SCP2: variants seen among roughly 807,000 people sequenced by gnomAD.
SCP2 encodes SCP-2/3-oxoacyl-CoA thiolase.
A neutral mutation model predicts 71.4 loss-of-function variants in SCP2; 48 were observed. That is an observed-to-expected ratio of 0.67 (90% CI 0.53 to 0.86). The LOEUF (loss-of-function observed/expected upper bound fraction) is 0.86. Ranked by LOEUF, SCP2 falls within the 40% of genes least tolerant of loss-of-function variation. The probability of loss-of-function intolerance (pLI) is 0.00; values close to 1 mark genes in which losing one functional copy is unlikely to be tolerated. For missense variants in SCP2, 560 were observed against 655.6 expected (o/e 0.85, Z 1.59); for synonymous variants, 220 against 218.1 (o/e 1.01, Z -0.08).
intron 6 of SCP2, among the ~76,000 whole-genome samples, chr1:52,971,068 C>T (rs952806686): frequency 3.3e-5 from 5 of 149,752 alleles, no homozygotes; most frequent in East Asian, 2.0e-4. Flanking sequence ...CTCTGCCTCC[C>T]GGGTTCACGC....
chr1:52,959,176 T>A (rs1656094607), intron 5 of SCP2, among the ~76,000 whole-genome samples: 1 of 136,050 alleles, frequency 7.4e-6, no homozygotes, highest in Non-Finnish European at 1.6e-5. Context: ...TCTGGTGACT[T>A]CTTTTCTTTT....
At chr1:52,989,246 T>C (rs536888005) in intron 11 of SCP2, among the ~76,000 whole-genome samples, 1 of 152,228 alleles carries the variant, frequency 6.6e-6, no homozygotes, top group African/African-American at 2.4e-5. Context: ...AGTGGCAAAA[T>C]AACAACATCC....
chr1:53,016,650 T>C (rs1661361287), intron 12 of SCP2, among the ~76,000 whole-genome samples: 1 of 152,092 alleles, frequency 6.6e-6, no homozygotes, highest in African/African-American at 2.4e-5. Flanking sequence ...GGTATAGAAA[T>C]TTGAAAATAC....
chr1:52,946,829 G>A (rs1654842532), intron 2 of SCP2, among the ~76,000 whole-genome samples: 1 of 151,474 alleles, frequency 6.6e-6, no homozygotes, highest in Admixed American at 6.6e-5. Flanking sequence ...GGCCAAGGGA[G>A]GTGGATCACT....
chr1:53,002,674 T>C (rs1660394245), intron 11 of SCP2, among the ~76,000 whole-genome samples: 1 of 152,256 alleles, frequency 6.6e-6, no homozygotes, highest in African/African-American at 2.4e-5. Context: ...TAATTATTTC[T>C]TTTTCTGCAT....
chr1:53,014,532 C>A (rs1661202967), intron 11 of SCP2, among the ~76,000 whole-genome samples: 1 of 152,144 alleles, frequency 6.6e-6, no homozygotes, highest in Admixed American at 6.5e-5. Context: ...ATTTCCCATA[C>A]CAGCTAAACT....
At chr1:52,999,419 C>A (rs747516220) in intron 11 of SCP2, among the ~76,000 whole-genome samples, 1 of 152,158 alleles carries the variant, frequency 6.6e-6, no homozygotes, top group Non-Finnish European at 1.5e-5. Flanking sequence ...AGATTCTCTT[C>A]TGTAAATGGT....
At chr1:52,975,015 C>A (rs1657825227) in intron 7 of SCP2, among the ~76,000 whole-genome samples, 183 bp downstream of exon 7, 1 of 152,024 alleles carries the variant, frequency 6.6e-6, no homozygotes, top group Non-Finnish European at 1.5e-5. Flanking sequence ...CAGTTTTTGG[C>A]CACTTTATAT....
At chr1:52,958,145 G>A (rs1258190477) in intron 5 of SCP2, among the ~76,000 whole-genome samples, 1 of 149,802 alleles carries the variant, frequency 6.7e-6, no homozygotes, top group East Asian at 1.9e-4. Context: ...ATTTTTTTTT[G>A]TCAATACCAC....
At chr1:53,045,142 A>G (rs1663706071) in intron 14 of SCP2, among the ~76,000 whole-genome samples, 1 of 152,188 alleles carries the variant, frequency 6.6e-6, no homozygotes, top group Admixed American at 6.5e-5. Flanking sequence ...ATGAATGTTT[A>G]CAAATGAGTA....
intron 1 of SCP2, among the ~76,000 whole-genome samples, chr1:52,928,259 C>T (rs1365273652): frequency 1.3e-5 from 2 of 152,228 alleles, no homozygotes; most frequent in African/African-American, 4.8e-5. Flanking sequence ...GGCGTCTGCG[C>T]GCCCTCTTAG....
At chr1:52,944,743 C>T (rs556654771) in intron 2 of SCP2, among the ~76,000 whole-genome samples, 2 of 151,902 alleles carry the variant, frequency 1.3e-5, no homozygotes, top group Non-Finnish European at 2.9e-5. Flanking sequence ...GAAATCTGGC[C>T]GGGCATGGTG....
chr1:53,040,006 G>C (rs565429388), intron 14 of SCP2, among the ~76,000 whole-genome samples: 1 of 152,216 alleles, frequency 6.6e-6, no homozygotes, highest in Non-Finnish European at 1.5e-5. Context: ...TGGTTCCTTG[G>C]TCTAAAAGCC....
At chr1:53,018,699 C>T (rs1661510167) in intron 12 of SCP2, among the ~76,000 whole-genome samples, 1 of 151,522 alleles carries the variant, frequency 6.6e-6, no homozygotes, top group Admixed American at 6.6e-5. Context: ...TGAGATCATG[C>T]CACTGAACTC....
intron 12 of SCP2, among the ~76,000 whole-genome samples, chr1:53,020,359 C>G (rs145598680): frequency 2.0e-5 from 3 of 152,268 alleles, no homozygotes; most frequent in African/African-American, 7.2e-5. Flanking sequence ...TGTAGTTGCT[C>G]AATAAACTTT....
rs555989629 is a variant in SCP2 at position 53,018,453 on chromosome 1, T to C, written c.1235+3410T>C. 7.2e-5 allele frequency among the ~76,000 whole-genome samples: 11 copies of C among 152,242 alleles called. No individual in the cohort carries two copies. The South Asian group carries it at 2.3e-3, about 32-fold the overall frequency. ...ACAGTAGTTATAAAACTCAAGAAACTTAACAGGGTTGGGCGTGGTATCTCA... is the reference window on the plus strand; with the variant it reads ...ACAGTAGTTATAAAACTCAAGAAACCTAACAGGGTTGGGCGTGGTATCTCA... On this transcript the variant is annotated intron_variant, in intron 12 of 15. Transcript: ENST00000371514.
chr1:53,027,845 G>T, intron 12 of SCP2, 124 bp from the exon 13 acceptor site: 1 of 641,346 alleles, frequency 1.6e-6, no homozygotes. Context: ...GATTTCCTTT[G>T]GATAAGATTT....
At chr1:52,962,103 A>G (rs1336356144) in intron 6 of SCP2, among the ~76,000 whole-genome samples, 4 of 152,062 alleles carry the variant, frequency 2.6e-5, no homozygotes, top group African/African-American at 7.2e-5. Flanking sequence ...GCTTTTTGCC[A>G]TGTTGCCCAG....
intron 6 of SCP2, among the ~76,000 whole-genome samples, chr1:52,971,422 A>G (rs1194406603): frequency 6.6e-6 from 1 of 152,258 alleles, no homozygotes; most frequent in Non-Finnish European, 1.5e-5. Flanking sequence ...TGAAATATAA[A>G]TGTACACTAT....
Sources: allele counts gnomAD v4.1 joint callset (sites outside exome capture counted in the v4.1 genomes callset), GRCh38; gene constraint gnomAD v4.1.1; transcripts MANE v1.5; gene names NCBI Gene and HGNC (gene_info 2026-07-23, HGNC 2026-07-21).